The following PHIP variants were observed in gnomAD, a reference collection of about 807,000 sequenced individuals.
PHIP encodes PHIP subunit of CUL4-Ring ligase complex.
Under a neutral mutation model 236.8 loss-of-function variants are expected in PHIP, and 54 were observed. That is an observed-to-expected ratio of 0.23 (90% confidence interval 0.18 to 0.29). The LOEUF (loss-of-function observed/expected upper bound fraction) is 0.29. Among genes scored for constraint, PHIP ranks in the 10% least tolerant of loss-of-function variants. PHIP has a pLI of 1.00. For synonymous variants in PHIP, 756 were observed against 718.9 expected, an observed-to-expected ratio of 1.05 and a Z score of -0.83; for missense variants, 1,370 against 2,190.8, an observed-to-expected ratio of 0.63 and a Z score of 7.48.
chr6:79,040,133 A>G (rs1348014821), intron 7 of PHIP, among the ~76,000 whole-genome samples: 1 of 152,166 alleles, frequency 6.6e-6, no homozygotes, highest in East Asian at 1.9e-4. Context: ...GTTCAGTACT[A>G]ATTATATGCA....
intron 4 of PHIP, among the ~76,000 whole-genome samples, chr6:79,073,200 T>TA (rs1261330191): frequency 6.6e-6 from 1 of 152,172 alleles, no homozygotes; most frequent in Non-Finnish European, 1.5e-5. Flanking sequence ...CCTCAAATTT[T>TA]AAAAAATGGT....
intron 31 of PHIP, among the ~76,000 whole-genome samples, chr6:78,960,988 T>G (rs1766740041): frequency 6.6e-6 from 1 of 152,136 alleles, no homozygotes; most frequent in Admixed American, 6.6e-5. Flanking sequence ...ATTGTTGGAC[T>G]GCTAAGCAAA....
chr6:79,013,576 T>G (rs1770694494), intron 15 of PHIP, among the ~76,000 whole-genome samples: 3 of 151,734 alleles, frequency 2.0e-5, no homozygotes, highest in Non-Finnish European at 4.4e-5. Flanking sequence ...CTGGTTACAT[T>G]ACTAATTTTT....
intron 4 of PHIP, among the ~76,000 whole-genome samples, chr6:79,065,764 CCA>C (rs58570604): frequency 0.17 from 24,185 of 143,212 alleles, 1,991 homozygotes; most frequent in Middle Eastern, 0.23. Flanking sequence ...CTTAACTATA[CCA>C]CACACACACA....
At chr6:78,977,503 T>C (rs1582153746) in intron 24 of PHIP, among the ~76,000 whole-genome samples, 1 of 152,130 alleles carries the variant, frequency 6.6e-6, no homozygotes, top group Admixed American at 6.6e-5. Context: ...TGTACACATG[T>C]ACCCTAAAAC....
chr6:79,060,660 T>A lies in PHIP; in HGVS notation c.340+8A>T. ...TAATGTCTAAATCCTATGAGAAAAT[T>A]TTCATACTTTTATTTGTGCGTAGTA... is the stretch of plus-strand genomic sequence containing the variant. On this transcript the variant is annotated splice_region_variant and intron_variant, in intron 5 of 39. Coordinates refer to ENST00000275034, the MANE Select transcript of PHIP (RefSeq NM_017934.7). 6.2e-7 allele frequency: 1 copy of A among 1,609,796 alleles called. No individual in the cohort carries two copies. Among genetic ancestry groups the A allele is most frequent in the South Asian group, 1.1e-5 (1 of 90,412 alleles).
In PHIP at chr6:79,060,563, A is replaced by C. The variant is rs1038129723; in HGVS notation, c.354T>G (p.Val118=). 6.2e-7 allele frequency: 1 copy of C among 1,613,622 alleles called. No individual in the cohort carries two copies. Among genetic ancestry groups the C allele is most frequent in the African/African-American group, 1.3e-5 (1 of 74,906 alleles). The change falls in exon 6 of 40, where the codon GTT becomes GTG. Residue 118 remains valine, a synonymous_variant. Transcript: ENST00000275034. The stretch of plus-strand genomic sequence containing the variant: ...CAGCCAGAGCAGATCCTTTCCACAC[A>C]ACATGCTTGCAGCCTATTAAACACA... The part of the protein sequence containing the change: ...LLRTNKSCKH[V]VWKGSALAAL...
intron 20 of PHIP, among the ~76,000 whole-genome samples, chr6:78,989,342 C>CT (rs1187623020): frequency 6.6e-6 from 1 of 152,206 alleles, no homozygotes; most frequent in Admixed American, 6.5e-5. Context: ...AAGAGGATCA[C>CT]TTGAGGCAGT....
chr6:78,946,021 G>C lies in PHIP; in HGVS notation c.4610C>G (p.Ser1537Cys). The change falls in exon 38 of 40, where the codon TCT (serine) becomes TGT (cysteine). Residue 1537 changes from serine (S) to cysteine (C), a missense_variant. Physicochemically the swap from Ser to Cys is moderately radical, Grantham distance 112. Around this residue, in one of 14 missense-constraint regions of PHIP, gnomAD observed 309 missense variants for 328.3 expected, o/e 0.94. Transcript: ENST00000275034. ...AKTFITKANA[S>C]AIPGKTILEN... Reference sequence around the variant, plus strand: ...CTTACTTGTTTTCCCTGGTATTGCAGATGCATTAGCTTTTGTAATAAAAGT... The same window carrying C: ...CTTACTTGTTTTCCCTGGTATTGCACATGCATTAGCTTTTGTAATAAAAGT... The C allele has an allele frequency of 6.2e-7, 1 of 1,607,502 alleles. No individual in the cohort carries two copies. Among genetic ancestry groups the C allele is most frequent in the Non-Finnish European group, 8.5e-7 (1 of 1,174,120 alleles).
chr6:78,970,750 G>C, intron 25 of PHIP, 31 bp downstream of exon 25: 2 of 1,326,634 alleles, frequency 1.5e-6, no homozygotes, highest in Non-Finnish European at 2.1e-6. Context: ...TTGTATTTTT[G>C]GGGCTATTAA....
intron 24 of PHIP, among the ~76,000 whole-genome samples, chr6:78,975,228 T>G (rs2127711846): frequency 6.6e-6 from 1 of 151,816 alleles, no homozygotes; most frequent in Middle Eastern, 3.4e-3. Flanking sequence ...TATACGCAAA[T>G]CAATAAATGT....
At chr6:79,037,731 T>C (rs1772011824) in intron 7 of PHIP, among the ~76,000 whole-genome samples, 2 of 152,188 alleles carry the variant, frequency 1.3e-5, no homozygotes, top group Non-Finnish European at 2.9e-5. Flanking sequence ...TTACAGATAT[T>C]TGTATGTATT....
rs775876497 is a variant in PHIP, at chr6:78,982,896, C to T, written c.2759G>A (p.Arg920Lys). The T allele has an allele frequency of 6.4e-7, 1 of 1,558,046 alleles. No homozygotes were observed. The highest frequency in any genetic ancestry group is 2.2e-5 in the East Asian group (1 of 44,462). Residue 920 changes from arginine to lysine, a missense_variant, in exon 23 of 40, where the codon AGA (arginine) becomes AAA (lysine). Transcript: ENST00000275034. ...ISPKKKKPKE[R>K]KQKRLAVGEL... is the part of the protein sequence containing the mutation. ...TGTTAAAAACCAAACCTTTTGTTTT[C>T]TTTCTTTGGGCTTCTTTTTCTTTGG...
chr6:78,972,028 A>G (rs1032299699), intron 24 of PHIP, among the ~76,000 whole-genome samples: 6 of 152,086 alleles, frequency 3.9e-5, no homozygotes, highest in African/African-American at 1.2e-4. Flanking sequence ...AGCCCACCAC[A>G]GCTCAAGGAG....
Position 78,937,358 on chromosome 6 carries a change from A to G in PHIP, c.*3335T>C, listed in dbSNP as rs1773312904. 1 of 151,744 alleles carries G rather than the reference A, an allele frequency of 6.6e-6. No individual in the cohort carries two copies. The highest frequency in any genetic ancestry group is 1.5e-5 in the Non-Finnish European group (1 of 67,666). 9.4% of individuals were successfully genotyped at this position (151,744 alleles called of 1,614,324 possible). A position where few individuals can be genotyped will look rare whatever the true frequency, so the allele number is the denominator to read the frequency against. ...ACAAATCATATCTGAAAACATGTAA[A>G]TGCTGCTAACATATAAGATAAAAAT... On this transcript the variant is annotated 3_prime_UTR_variant, in exon 40 of 40. Transcript: ENST00000275034.
In PHIP at chr6:79,043,270, G is replaced by GGCAGATTA. The variant is rs749020806; in HGVS notation, c.440-268_440-267insTAATCTGC. Among the ~76,000 whole-genome samples, 869 of 152,148 alleles carry GGCAGATTA rather than the reference G, an allele frequency of 5.7e-3. 2 individuals are homozygous for GGCAGATTA. The highest frequency in any genetic ancestry group is 9.2e-3 in the Non-Finnish European group (624 of 67,966). ...CAAAAATCACAAAGTAAGGCATGAA[G>GGCAGATTA]CTAGGATTAAAGCTCAGATTTATTT... On this transcript the variant is annotated intron_variant, in intron 6 of 39. Coordinates refer to ENST00000275034, the MANE Select transcript of PHIP (RefSeq NM_017934.7).
In PHIP at chr6:79,077,502, C is replaced by A; in HGVS notation, c.135G>T (p.Leu45=). 6.4e-7 allele frequency: 1 copy of A among 1,552,820 alleles called. No individual in the cohort carries two copies. The highest frequency in any genetic ancestry group is 8.7e-7 in the Non-Finnish European group (1 of 1,148,274). ...TCCCGGTCCAGTCGGTGCGCCGGGG[C>A]AGCAGCTGCGGGGAGAGGACACCCC... The part of the protein sequence containing the change: ...LIREVAEKEL[L]PRRTDWTGKE... Residue 45 remains leucine (L), a synonymous_variant, in exon 4 of 40, where the codon CTG becomes CTT. Transcript: ENST00000275034.
chr6:78,954,251 G>A (rs895372056), intron 35 of PHIP, among the ~76,000 whole-genome samples: 2 of 147,366 alleles, frequency 1.4e-5, no homozygotes, highest in African/African-American at 2.5e-5. Context: ...ACAGGCACCC[G>A]CCCACACGCC....
chr6:78,958,611 C>T lies in PHIP; in HGVS notation c.3657-11G>A, dbSNP rs1766575620. On this transcript the variant is annotated splice_polypyrimidine_tract_variant and intron_variant, in intron 31 of 39. Coordinates refer to ENST00000275034, the MANE Select transcript of PHIP (RefSeq NM_017934.7). ...AGGGAAGAAACCCGCCTTAAAAAAA[C>T]AAAATATAGAAGTTTTAACTTCCTT... The T allele has an allele frequency of 1.3e-6, 2 of 1,510,154 alleles. No individual in the cohort carries two copies. The highest frequency in any genetic ancestry group is 1.8e-6 in the Non-Finnish European group (2 of 1,093,794). The allele number at this position is 1,510,154 out of a possible 1,614,324, so 93.5% of individuals were successfully genotyped here.
Sources: gnomAD v4.1 joint callset for allele counts (sites outside exome capture counted in the v4.1 genomes callset) on GRCh38, gnomAD v4.1.1 for gene constraint, gnomAD v4.1.1 regional missense constraint, MANE v1.5 for transcripts, NCBI Gene and HGNC (gene_info 2026-07-23, HGNC 2026-07-21) for gene names.